Variants in CCDC201 observed in about 807,000 individuals in gnomAD.
The protein encoded by CCDC201 is coiled-coil domain containing 201.
At chr7:45,881,563 G>A in the CCDC201 span, among the ~76,000 whole-genome samples, 8 of 152,158 alleles carry the variant, frequency 5.3e-5, no homozygotes, top group South Asian at 1.2e-3. Context: ...GTGAGTGACC[G>A]TGGTCTAACC....
intron 2 of CCDC201, among the ~76,000 whole-genome samples, chr7:45,865,105 C>A (rs1021675726): frequency 3.9e-5 from 6 of 152,024 alleles, no homozygotes; most frequent in Admixed American, 3.9e-4. Flanking sequence ...AGACTGCTGG[C>A]CGGAAAAGTG....
chr7:45,878,476 G>T, the CCDC201 span, among the ~76,000 whole-genome samples: 1 of 152,232 alleles, frequency 6.6e-6, no homozygotes, highest in Non-Finnish European at 1.5e-5. Flanking sequence ...AGGCTCCTAA[G>T]CCTCAACTCT....
chr7:45,884,533 C>A, the CCDC201 span, among the ~76,000 whole-genome samples: 4 of 152,188 alleles, frequency 2.6e-5, no homozygotes, highest in African/African-American at 9.7e-5. Flanking sequence ...CCTGCCTGCT[C>A]CCCTGCCACT....
the CCDC201 span, among the ~76,000 whole-genome samples, chr7:45,880,966 A>G: frequency 6.6e-6 from 1 of 152,164 alleles, no homozygotes; most frequent in Non-Finnish European, 1.5e-5. Flanking sequence ...CATGGGGGTC[A>G]TGGCATGAGT....
chr7:45,881,528 C>T, the CCDC201 span, among the ~76,000 whole-genome samples: 3 of 152,144 alleles, frequency 2.0e-5, no homozygotes, highest in East Asian at 5.8e-4. Flanking sequence ...GGCCTTTCTA[C>T]TCATCTAGGT....
chr7:45,874,965 T>C (rs1413381066), upstream of CCDC201, among the ~76,000 whole-genome samples: 1 of 151,886 alleles, frequency 6.6e-6, no homozygotes, highest in Non-Finnish European at 1.5e-5. Context: ...AGCCATGGAG[T>C]GTTATCTTTA....
chr7:45,873,393 A>AC (rs1246660042), upstream of CCDC201, among the ~76,000 whole-genome samples: 2 of 151,356 alleles, frequency 1.3e-5, no homozygotes, highest in African/African-American at 2.4e-5. Flanking sequence ...GGAAAAAAAA[A>AC]AAAACACGTT....
At chr7:45,881,143 T>G in the CCDC201 span, among the ~76,000 whole-genome samples, 1 of 152,082 alleles carries the variant, frequency 6.6e-6, no homozygotes, top group African/African-American at 2.4e-5. Flanking sequence ...TTCTACCAAA[T>G]CATCTTAGTT....
At chr7:45,865,106 C>T (rs946074672) in intron 2 of CCDC201, among the ~76,000 whole-genome samples, 17 of 151,986 alleles carry the variant, frequency 1.1e-4, no homozygotes, top group Non-Finnish European at 1.9e-4. Context: ...GACTGCTGGC[C>T]GGAAAAGTGC....
upstream of CCDC201, among the ~76,000 whole-genome samples, chr7:45,873,920 CTT>C (rs201948561): frequency 0.14 from 17,468 of 121,218 alleles, 1,161 homozygotes; most frequent in Non-Finnish European, 0.15. Flanking sequence ...CATTTACTTA[CTT>C]TTTTTTTTTT....
chr7:45,870,446 T>A (rs1044550794), intron 1 of CCDC201, among the ~76,000 whole-genome samples: 2 of 152,154 alleles, frequency 1.3e-5, no homozygotes, highest in Admixed American at 1.3e-4. Context: ...GAGACATACC[T>A]AAGACAAAGT....
At chr7:45,862,122 G>T (rs1402420204) in exon 3 of CCDC201, 2 of 152,220 alleles carry the variant, frequency 1.3e-5, no homozygotes, top group Non-Finnish European at 2.9e-5. Context: ...AGTGTAGGGG[G>T]TTGGCCCATG....
chr7:45,878,726 C>G, the CCDC201 span, among the ~76,000 whole-genome samples: 1 of 152,236 alleles, frequency 6.6e-6, no homozygotes, highest in African/African-American at 2.4e-5. Flanking sequence ...GTGGCTGCCC[C>G]CCTAGGTCTC....
chr7:45,880,871 A>G, the CCDC201 span, among the ~76,000 whole-genome samples: 43 of 152,248 alleles, frequency 2.8e-4, no homozygotes, highest in Non-Finnish European at 5.4e-4. Flanking sequence ...GTGACCTATT[A>G]TGGGCTGGGT....
chr7:45,864,917 G>A (rs1375252081), intron 2 of CCDC201, among the ~76,000 whole-genome samples: 2 of 152,104 alleles, frequency 1.3e-5, no homozygotes, highest in African/African-American at 4.8e-5. Context: ...GGAAAAGTAG[G>A]GGAAGGTCTT....
chr7:45,883,563 C>T, the CCDC201 span, among the ~76,000 whole-genome samples: 8 of 152,170 alleles, frequency 5.3e-5, no homozygotes, highest in Admixed American at 2.0e-4. Context: ...AAAGACCACA[C>T]GGAAGCACAC....
chr7:45,877,198 C>T (rs1227350651), upstream of CCDC201, among the ~76,000 whole-genome samples: 1 of 152,194 alleles, frequency 6.6e-6, no homozygotes, highest in Non-Finnish European at 1.5e-5. Context: ...CATCTTCTAC[C>T]CACATTGTTA....
chr7:45,876,537 C>G (rs1300434273), upstream of CCDC201, among the ~76,000 whole-genome samples: 3 of 152,202 alleles, frequency 2.0e-5, no homozygotes, highest in South Asian at 4.1e-4. Flanking sequence ...AGAGTTGCCT[C>G]CTCACTCTAG....
intron 1 of CCDC201, among the ~76,000 whole-genome samples, chr7:45,870,692 A>G (rs1786733924): frequency 1.3e-5 from 2 of 152,208 alleles, no homozygotes; most frequent in Non-Finnish European, 2.9e-5. Flanking sequence ...CTAGGAAAAA[A>G]ATACAGAAAA....
Sources: allele counts gnomAD v4.1 joint callset (sites outside exome capture counted in the v4.1 genomes callset), GRCh38; gene constraint gnomAD v4.1.1; transcripts MANE v1.5; gene names NCBI Gene and HGNC (gene_info 2026-07-23, HGNC 2026-07-21).